GDAP1: variants seen among roughly 807,000 people sequenced by gnomAD.
GDAP1 encodes the protein ganglioside-induced differentiation-associated protein 1.
In GDAP1, 34 loss-of-function variants were observed where a neutral mutation model predicts 40.1. The observed-to-expected ratio is 0.85, with a 90% CI of 0.64 to 1.13. The LOEUF is 1.13. GDAP1 is among the 50% of genes most tolerant of loss of function. The probability of loss-of-function intolerance (pLI) is 0.00; values close to 1 mark genes in which losing one functional copy is unlikely to be tolerated. For missense variants in GDAP1, 374 were observed against 433.7 expected, an observed-to-expected ratio of 0.86 and a Z score of 1.22; for synonymous variants, 170 against 157.4, an observed-to-expected ratio of 1.08 and a Z score of -0.60.
chr8:74,435,525 A>G (rs1349450876), intron 2 of GDAP1, among the ~76,000 whole-genome samples: 1 of 152,188 alleles, frequency 6.6e-6, no homozygotes, highest in Non-Finnish European at 1.5e-5. Context: ...GATAATTTGC[A>G]TGGTTGTAAA....
chr8:74,424,941 T>C (rs1164169647), intron 2 of GDAP1, among the ~76,000 whole-genome samples: 5 of 152,208 alleles, frequency 3.3e-5, no homozygotes, highest in African/African-American at 9.6e-5. Flanking sequence ...TTCCCTCTTA[T>C]ATTGTTTTAT....
intron 2 of GDAP1, among the ~76,000 whole-genome samples, chr8:74,400,111 C>G (rs1468814145): frequency 6.7e-6 from 1 of 149,048 alleles, no homozygotes; most frequent in African/African-American, 2.6e-5. Context: ...TCCTTGTTGA[C>G]TTGCTGTCTC....
chr8:74,432,329 C>T (rs1806038132), intron 2 of GDAP1, among the ~76,000 whole-genome samples: 4 of 152,118 alleles, frequency 2.6e-5, no homozygotes, highest in Admixed American at 2.6e-4. Context: ...ATTTCTAGCA[C>T]TAGCAAGTAA....
chr8:74,364,131 G>C lies in GDAP1; in HGVS notation c.841G>C (p.Glu281Gln). ...GCGACCAAACTTGGAAACCTATTAC[G>C]AGCGTGTCTTGAAGAGAAAAACATT... The part of the protein sequence containing the change: ...GKRPNLETYY[E>Q]RVLKRKTFNK... Residue 281 changes from glutamate to glutamine, a missense_variant, in exon 6 of 6, where the codon GAG becomes CAG. Transcript: ENST00000220822. 3 of 1,614,114 alleles carry C rather than the reference G, an allele frequency of 1.9e-6. No homozygotes were observed. The highest frequency in any genetic ancestry group is 2.5e-6 in the Non-Finnish European group (3 of 1,180,024).
intron 2 of GDAP1, among the ~76,000 whole-genome samples, chr8:74,391,724 C>T (rs1263887365): frequency 6.6e-6 from 1 of 152,048 alleles, no homozygotes; most frequent in Non-Finnish European, 1.5e-5. Context: ...TTTGGCATCA[C>T]TTGTGATATG....
chr8:74,444,088 G>GA (rs1224666571), intron 2 of GDAP1, among the ~76,000 whole-genome samples: 1 of 151,380 alleles, frequency 6.6e-6, no homozygotes, highest in Non-Finnish European at 1.5e-5. Flanking sequence ...AGTTTAGATA[G>GA]AAAAAAATTA....
At chr8:74,374,428 G>A (rs1809816891) in intron 2 of GDAP1, among the ~76,000 whole-genome samples, 1 of 151,950 alleles carries the variant, frequency 6.6e-6, no homozygotes, top group South Asian at 2.1e-4. Flanking sequence ...TTTCATGTAA[G>A]TTTCCACTTA....
intron 2 of GDAP1, among the ~76,000 whole-genome samples, chr8:74,380,793 G>T (rs1191044060): frequency 4.6e-5 from 7 of 152,080 alleles, no homozygotes; most frequent in African/African-American, 1.7e-4. Flanking sequence ...GTATAATTTT[G>T]TCTAATCAAC....
intron 2 of GDAP1, among the ~76,000 whole-genome samples, 159 bp from the exon 3 acceptor site, chr8:74,359,978 C>T (rs1809274974): frequency 1.5e-4 from 1 of 6,744 alleles, no homozygotes; most frequent in African/African-American, 4.1e-4. Flanking sequence ...CAGGCCATTT[C>T]AAACTTTGAA....
At position 74,407,145 on chromosome 8, in the gene GDAP1, T is replaced by G. The variant is rs544402042; in HGVS notation, c.165+55824T>G. ...ACATGTATTCCATTAATCAGAAAAATTGTGATCTGGGTGCGGTGGCTCACC... is the reference window on the plus strand; with the variant it reads ...ACATGTATTCCATTAATCAGAAAAAGTGTGATCTGGGTGCGGTGGCTCACC... On this transcript the variant is annotated intron_variant, in intron 2 of 2. Coordinates refer to the GDAP1 transcript ENST00000523640. Among the ~76,000 whole-genome samples the G allele has an allele frequency of 3.1e-4, 47 of 149,990 alleles. 1 individual carries two copies. The highest frequency in any genetic ancestry group is 5.6e-4 in the Non-Finnish European group (38 of 67,998).
At chr8:74,470,636 C>G (rs1182000367) in intron 2 of GDAP1, among the ~76,000 whole-genome samples, 1 of 152,234 alleles carries the variant, frequency 6.6e-6, no homozygotes, top group Non-Finnish European at 1.5e-5. Flanking sequence ...GCCACATTCT[C>G]TTAATCCAGT....
At chr8:74,448,120 T>A (rs1586838274) in intron 2 of GDAP1, among the ~76,000 whole-genome samples, 1 of 152,316 alleles carries the variant, frequency 6.6e-6, no homozygotes, top group East Asian at 1.9e-4. Flanking sequence ...TTTAGTGCAA[T>A]GTGCAGATAG....
At chr8:74,468,729 A>C (rs1265394516) in intron 2 of GDAP1, among the ~76,000 whole-genome samples, 2 of 152,172 alleles carry the variant, frequency 1.3e-5, no homozygotes, top group Non-Finnish European at 2.9e-5. Context: ...CAAGATATGC[A>C]ATAATATCAT....
rs1057213961 is a variant in GDAP1 at position 74,478,987 on chromosome 8, C to T, written c.166-9691C>T. Among the ~76,000 whole-genome samples the T allele has an allele frequency of 1.6e-4, 24 of 152,196 alleles. 1 individual carries two copies. The highest frequency in any genetic ancestry group is 1.6e-3 in the Admixed American group (24 of 15,288). ...AGCATCTGTGTCTTCCCTCCATTCA[C>T]CCTCAATGCTTTCCCTGTGAAGATC... On this transcript the variant is annotated intron_variant, in intron 2 of 2. Coordinates refer to the GDAP1 transcript ENST00000523640.
chr8:74,403,654 A>G (rs1205392382), intron 2 of GDAP1, among the ~76,000 whole-genome samples: 4 of 150,306 alleles, frequency 2.7e-5, no homozygotes, highest in Non-Finnish European at 4.4e-5. Flanking sequence ...TTTGGGTAAG[A>G]CATTTGGGCA....
At chr8:74,404,382 T>C (rs1805610114) in intron 2 of GDAP1, among the ~76,000 whole-genome samples, 1 of 149,600 alleles carries the variant, frequency 6.7e-6, no homozygotes, top group Admixed American at 6.6e-5. Flanking sequence ...ATTTTCTAGA[T>C]GATTACTATG....
At chr8:74,440,112 C>A (rs191292750) in intron 2 of GDAP1, among the ~76,000 whole-genome samples, 1 of 152,236 alleles carries the variant, frequency 6.6e-6, no homozygotes, top group African/African-American at 2.4e-5. Flanking sequence ...TTCACTGAAC[C>A]TTTCCCATGG....
At chr8:74,472,656 T>C in intron 2 of GDAP1, among the ~76,000 whole-genome samples, 1 of 151,718 alleles carries the variant, frequency 6.6e-6, no homozygotes. Flanking sequence ...GGTATCTCAT[T>C]GTGGCTTTGA....
intron 2 of GDAP1, among the ~76,000 whole-genome samples, chr8:74,421,278 G>A (rs1446389300): frequency 6.6e-6 from 1 of 151,978 alleles, no homozygotes; most frequent in Non-Finnish European, 1.5e-5. Flanking sequence ...TAAAGCTCCA[G>A]GTTGTCAACA....
Sources: allele counts gnomAD v4.1 joint callset (sites outside exome capture counted in the v4.1 genomes callset), GRCh38; gene constraint gnomAD v4.1.1; transcripts MANE v1.5; gene names NCBI Gene and HGNC (gene_info 2026-07-23, HGNC 2026-07-21).